Variants in TMTC1 observed in about 807,000 individuals in gnomAD.
TMTC1 encodes the protein protein O-mannosyl-transferase TMTC1.
In TMTC1, 73 loss-of-function variants were observed where a neutral mutation model predicts 104.8. The observed-to-expected ratio is 0.70, with a 90% CI of 0.58 to 0.85. The LOEUF (loss-of-function observed/expected upper bound fraction) is 0.85. TMTC1 is among the 40% of genes least tolerant of loss of function. The pLI is 0.00. For synonymous variants in TMTC1, 434 were observed against 428.7 expected (o/e 1.01, Z -0.15); for missense variants, 1,035 against 1,096.1 (o/e 0.94, Z 0.79).
chr12:29,753,127 C>A (rs1943131275), intron 4 of TMTC1, among the ~76,000 whole-genome samples: 1 of 152,156 alleles, frequency 6.6e-6, no homozygotes, highest in Admixed American at 6.5e-5. Flanking sequence ...TTCTTTCCTG[C>A]TTCCTGAATC....
intron 5 of TMTC1, among the ~76,000 whole-genome samples, chr12:29,639,544 T>G (rs1279833881): frequency 6.6e-6 from 1 of 152,206 alleles, no homozygotes; most frequent in East Asian, 1.9e-4. Context: ...ATAAATTGAT[T>G]AAACCACTTT....
chr12:29,604,507 A>T (rs1946647463), intron 6 of TMTC1, among the ~76,000 whole-genome samples: 1 of 152,184 alleles, frequency 6.6e-6, no homozygotes, highest in Non-Finnish European at 1.5e-5. Flanking sequence ...GTACCCTGAC[A>T]CACATTTGCC....
At chr12:29,774,089 A>G (rs1943654494) in intron 1 of TMTC1, among the ~76,000 whole-genome samples, 1 of 152,112 alleles carries the variant, frequency 6.6e-6, no homozygotes, top group South Asian at 2.1e-4. Flanking sequence ...TATCTCAATA[A>G]GCCTTTGCGT....
In TMTC1 at chr12:29,783,890, C is replaced by T. The variant is rs1257314815; in HGVS notation, c.-139G>A. The T allele has an allele frequency of 2.4e-6, 2 of 835,428 alleles. No homozygotes were observed. Among genetic ancestry groups the T allele is most frequent in the African/African-American group, 1.8e-5 (1 of 54,572 alleles). 51.8% of individuals were successfully genotyped at this position (835,428 alleles called of 1,614,324 possible). A position where few individuals can be genotyped will look rare whatever the true frequency, so the allele number is the denominator to read the frequency against. On this transcript the variant is annotated 5_prime_UTR_variant, in exon 1 of 18. Transcript: ENST00000539277. This position sits in a 1 kb window ranked among gnomAD's most constrained non-coding sequence, Gnocchi z 4.7. ...GCGGCAGCTGGACCCGCCGCGAGCT[C>T]CCCGCGCTCCGCCGCCGCCTGCGCC...
intron 8 of TMTC1, among the ~76,000 whole-genome samples, chr12:29,572,647 A>G (rs999637424): frequency 2.0e-5 from 3 of 152,196 alleles, no homozygotes; most frequent in Non-Finnish European, 2.9e-5. Context: ...TAACAAGCCA[A>G]TCTGGCTTTC....
intron 5 of TMTC1, among the ~76,000 whole-genome samples, chr12:29,656,323 T>G (rs1409844188): frequency 3.4e-5 from 5 of 148,942 alleles, no homozygotes; most frequent in Non-Finnish European, 3.0e-5. Flanking sequence ...TCCCTGGATA[T>G]ATATATATAT....
chr12:29,772,276 C>T (rs1473641643), intron 1 of TMTC1, among the ~76,000 whole-genome samples: 1 of 152,174 alleles, frequency 6.6e-6, no homozygotes, highest in Non-Finnish European at 1.5e-5. Context: ...CTCGAGAGGA[C>T]AAGGGCTCAC....
intron 5 of TMTC1, among the ~76,000 whole-genome samples, chr12:29,698,453 T>G (rs1941488560): frequency 6.6e-6 from 1 of 152,192 alleles, no homozygotes; most frequent in Non-Finnish European, 1.5e-5. Flanking sequence ...AGGAAATGCT[T>G]GGCTTTGGCT....
At chr12:29,665,213 C>T (rs1489931665) in intron 5 of TMTC1, among the ~76,000 whole-genome samples, 1 of 152,104 alleles carries the variant, frequency 6.6e-6, no homozygotes, top group East Asian at 1.9e-4. Flanking sequence ...TGACCCTTCA[C>T]CTGGAGGAGG....
chr12:29,743,835 G>C (rs1418626563), intron 5 of TMTC1, among the ~76,000 whole-genome samples: 1 of 152,176 alleles, frequency 6.6e-6, no homozygotes, highest in African/African-American at 2.4e-5. Context: ...GTTGATAGTA[G>C]CATGAACTAA....
chr12:29,643,306 C>T (rs1348635525), intron 5 of TMTC1, among the ~76,000 whole-genome samples: 1 of 150,776 alleles, frequency 6.6e-6, no homozygotes, highest in African/African-American at 2.4e-5. Context: ...CTACCCAGAA[C>T]ATAAGAAGTT....
In TMTC1 at chr12:29,768,996, G is replaced by T. The variant is rs185938474; in HGVS notation, c.303-921C>A. ...GAGCACTGATACCCTAAGTGGTGCT[G>T]CCTACAGTTGTCTGTATTCTAGTCA... On this transcript the variant is annotated intron_variant, in intron 1 of 17. Coordinates refer to ENST00000539277, the MANE Select transcript of TMTC1 (RefSeq NM_001193451.2). Among the ~76,000 whole-genome samples the T allele has an allele frequency of 2.3e-3, 353 of 152,286 alleles. 4 individuals carry two copies. Among genetic ancestry groups the T allele is most frequent in the African/African-American group, 8.0e-3 (333 of 41,558 alleles).
intron 5 of TMTC1, among the ~76,000 whole-genome samples, chr12:29,660,497 T>TA (rs1255241341): frequency 6.6e-6 from 1 of 152,166 alleles, no homozygotes; most frequent in Admixed American, 6.5e-5. Flanking sequence ...AGACAACTGA[T>TA]ACAGCCAGGA....
chr12:29,536,565 T>C (rs554409697), intron 10 of TMTC1, among the ~76,000 whole-genome samples: 1 of 152,344 alleles, frequency 6.6e-6, no homozygotes, highest in East Asian at 1.9e-4. Context: ...TTCTACCTTC[T>C]GTTTTCTGCT....
At chr12:29,636,917 G>A (rs1938580215) in intron 5 of TMTC1, among the ~76,000 whole-genome samples, 2 of 151,764 alleles carry the variant, frequency 1.3e-5, no homozygotes, top group Admixed American at 1.3e-4. Flanking sequence ...TTAGCTGGGT[G>A]TGGTGGCACA....
chr12:29,663,238 G>T (rs763530403), intron 5 of TMTC1, among the ~76,000 whole-genome samples: 5 of 152,132 alleles, frequency 3.3e-5, no homozygotes, highest in African/African-American at 4.8e-5. Context: ...ACTCAACCAC[G>T]ACCACTCTGG....
At chr12:29,778,933 A>T (rs1420040936) in intron 1 of TMTC1, among the ~76,000 whole-genome samples, 2 of 152,182 alleles carry the variant, frequency 1.3e-5, no homozygotes, top group African/African-American at 4.8e-5. Context: ...GGGTGAATGG[A>T]CTTGAAGTAG....
chr12:29,571,581 C>CAT (rs917051291), intron 9 of TMTC1, among the ~76,000 whole-genome samples: 1 of 124,474 alleles, frequency 8.0e-6, no homozygotes, highest in South Asian at 2.7e-4. Context: ...TACACACACA[C>CAT]ATACACACAC....
rs1565627686 is a variant in TMTC1, at chr12:29,502,412, TAAAG to T, written c.*4430_*4433del. The T allele has an allele frequency of 6.7e-6, 1 of 148,860 alleles. No homozygotes were observed. Among genetic ancestry groups the T allele is most frequent in the Admixed American group, 6.7e-5 (1 of 14,848 alleles). The allele number at this position is 148,860 out of a possible 1,614,324, so 9.2% of individuals were successfully genotyped here. Reference sequence around the variant, plus strand: ...AACAAAAGCTCATGTGTGCCCAAAATAAAGATAGAGATGTAGGCATAAACTCTAT... The same window carrying T: ...AACAAAAGCTCATGTGTGCCCAAAATATAGAGATGTAGGCATAAACTCTAT... On this transcript the variant is annotated 3_prime_UTR_variant, in exon 18 of 18. Coordinates refer to ENST00000539277, the MANE Select transcript of TMTC1 (RefSeq NM_001193451.2).
Sources: allele counts gnomAD v4.1 joint callset (sites outside exome capture counted in the v4.1 genomes callset), GRCh38; gene constraint gnomAD v4.1.1; non-coding constraint Gnocchi (gnomAD v3.1); transcripts MANE v1.5; gene names NCBI Gene and HGNC (gene_info 2026-07-23, HGNC 2026-07-21).